MYRIP: variants seen among roughly 807,000 people sequenced by gnomAD.
MYRIP encodes myosin VIIA and Rab interacting protein.
In MYRIP, 49 loss-of-function variants were observed where a neutral mutation model predicts 98.0. The ratio of observed to expected loss-of-function variants is 0.50; its 90% confidence interval spans 0.40 to 0.63. The LOEUF (loss-of-function observed/expected upper bound fraction) is 0.63, where lower values mean the gene tolerates loss of function less well. Among genes scored for constraint, MYRIP ranks in the 30% least tolerant of loss-of-function variants. The probability of loss-of-function intolerance (pLI) is 0.00; values close to 1 mark genes in which losing one functional copy is unlikely to be tolerated. For synonymous variants in MYRIP, 404 were observed against 409.5 expected (o/e 0.99, Z 0.16); for missense variants, 1,004 against 1,058.2 (o/e 0.95, Z 0.71).
intron 1 of MYRIP, among the ~76,000 whole-genome samples, chr3:39,889,147 A>C (rs1943406032): frequency 6.6e-6 from 1 of 152,206 alleles, no homozygotes; most frequent in Non-Finnish European, 1.5e-5. Flanking sequence ...TAGAACTAGA[A>C]ATGCCATTTG....
intron 2 of MYRIP, among the ~76,000 whole-genome samples, chr3:39,957,464 G>A (rs546356266): frequency 3.9e-5 from 6 of 152,104 alleles, no homozygotes; most frequent in South Asian, 2.1e-4. Flanking sequence ...AAAGGCCTTC[G>A]AAAAAATTCA....
At chr3:40,186,631 G>C (rs1559440785) in intron 9 of MYRIP, among the ~76,000 whole-genome samples, 2 of 152,136 alleles carry the variant, frequency 1.3e-5, no homozygotes. Context: ...TCTGCCCCTG[G>C]GGCAGGCAAC....
rs376819098 is a variant in MYRIP at position 40,052,424 on chromosome 3, A to T, written c.332+8153A>T. 3.2e-4 allele frequency among the ~76,000 whole-genome samples: 49 copies of T among 152,304 alleles called. No homozygotes were observed. In the South Asian group the frequency reaches 9.5e-3, roughly 30 times the overall value. On this transcript the variant is annotated intron_variant, in intron 3 of 16. Coordinates refer to ENST00000302541, the MANE Select transcript of MYRIP (RefSeq NM_015460.4). ...ATGTATTTGTAATATCCTTTGAAAA[A>T]TACATTAAACAATTATCACCGTGGG...
At chr3:40,134,864 A>G (rs1277503729) in intron 3 of MYRIP, among the ~76,000 whole-genome samples, 1 of 152,206 alleles carries the variant, frequency 6.6e-6, no homozygotes, top group Non-Finnish European at 1.5e-5. Flanking sequence ...AAGGACATCC[A>G]CACCAAAAAC....
intron 12 of MYRIP, 86 bp from the exon 13 acceptor site, chr3:40,244,360 C>T: frequency 4.0e-6 from 5 of 1,243,878 alleles, no homozygotes; most frequent in Non-Finnish European, 5.5e-6. Flanking sequence ...TATCTCACTC[C>T]CCTGAATTGC....
chr3:40,215,156 C>A (rs1248142620), intron 11 of MYRIP, among the ~76,000 whole-genome samples: 1 of 151,988 alleles, frequency 6.6e-6, no homozygotes, highest in African/African-American at 2.4e-5. Context: ...ATCTAGTGTC[C>A]TTAAAGCATT....
At chr3:40,055,078 G>A (rs1171173137) in intron 3 of MYRIP, among the ~76,000 whole-genome samples, 1 of 151,978 alleles carries the variant, frequency 6.6e-6, no homozygotes, top group Non-Finnish European at 1.5e-5. Context: ...TTATTTACAT[G>A]GTAGGGAAAA....
chr3:40,030,260 A>G (rs1379080374), intron 2 of MYRIP, among the ~76,000 whole-genome samples: 2 of 152,136 alleles, frequency 1.3e-5, no homozygotes, highest in East Asian at 1.9e-4. Flanking sequence ...CTCATCAGTC[A>G]TTAGGGAAGT....
intron 4 of MYRIP, among the ~76,000 whole-genome samples, chr3:40,159,246 A>G (rs1405499114): frequency 2.0e-5 from 3 of 149,928 alleles, no homozygotes; most frequent in Non-Finnish European, 4.5e-5. Context: ...TTTCTCCTTC[A>G]CTTATGAAGC....
At chr3:40,227,940 C>G (rs1952534577) in intron 11 of MYRIP, among the ~76,000 whole-genome samples, 1 of 152,234 alleles carries the variant, frequency 6.6e-6, no homozygotes, top group Non-Finnish European at 1.5e-5. Flanking sequence ...CAAAGTCACA[C>G]AGACAATGTA....
intron 3 of MYRIP, among the ~76,000 whole-genome samples, chr3:40,127,432 C>T (rs912824439): frequency 1.3e-5 from 2 of 152,248 alleles, no homozygotes; most frequent in Non-Finnish European, 2.9e-5. Context: ...TTTTCATAGG[C>T]TGCAAACTGG....
chr3:40,084,387 C>T (rs1559393685), intron 3 of MYRIP, among the ~76,000 whole-genome samples: 22 of 135,368 alleles, frequency 1.6e-4, no homozygotes, highest in African/African-American at 5.2e-4. Context: ...TATTATATAT[C>T]GATAGATAAT....
chr3:40,149,962 G>C (rs955187101), intron 3 of MYRIP, among the ~76,000 whole-genome samples: 2 of 152,134 alleles, frequency 1.3e-5, no homozygotes, highest in African/African-American at 4.8e-5. Flanking sequence ...GAATTTTCTA[G>C]AATGAGTGTG....
intron 11 of MYRIP, among the ~76,000 whole-genome samples, chr3:40,222,294 G>C (rs1364619891): frequency 1.3e-5 from 2 of 152,176 alleles, no homozygotes; most frequent in Non-Finnish European, 2.9e-5. Flanking sequence ...GTGGCAACTT[G>C]TCAGATTGTT....
At chr3:40,034,551 A>G (rs1376302490) in intron 2 of MYRIP, among the ~76,000 whole-genome samples, 3 of 151,478 alleles carry the variant, frequency 2.0e-5, no homozygotes, top group African/African-American at 4.9e-5. Flanking sequence ...TAGAATGGCA[A>G]TCATTAAAAA....
chr3:39,841,016 A>G lies in MYRIP; in HGVS notation c.-31+31100A>G, dbSNP rs897756773. Among the ~76,000 whole-genome samples, 25 of 152,248 alleles carry G rather than the reference A, an allele frequency of 1.6e-4. 1 individual carries two copies. In the Middle Eastern group the frequency reaches 0.017, roughly 104 times the overall value. On this transcript the variant is annotated intron_variant, in intron 1 of 16. Coordinates refer to ENST00000302541, the MANE Select transcript of MYRIP (RefSeq NM_015460.4). ...AATTTGAATGTTGGCCTGTCTTGCT[A>G]GTTGGGGAAGTTCTCCTGGATAATA...
At chr3:40,031,942 C>G (rs942845649) in intron 2 of MYRIP, among the ~76,000 whole-genome samples, 1 of 152,028 alleles carries the variant, frequency 6.6e-6, no homozygotes, top group African/African-American at 2.4e-5. Flanking sequence ...AAAACCAGCT[C>G]CTGGATTCAT....
At chr3:40,151,634 T>A (rs1332184560) in intron 4 of MYRIP, among the ~76,000 whole-genome samples, 1 of 152,204 alleles carries the variant, frequency 6.6e-6, no homozygotes, top group Non-Finnish European at 1.5e-5. Context: ...GTGGGAGAGT[T>A]AGAAAAGTGT....
At chr3:40,221,283 C>A (rs541711820) in intron 11 of MYRIP, among the ~76,000 whole-genome samples, 1 of 152,094 alleles carries the variant, frequency 6.6e-6, no homozygotes, top group Admixed American at 6.5e-5. Context: ...ATCATTTGCT[C>A]AATCAGTAAA....
Sources: gnomAD v4.1 joint callset for allele counts (sites outside exome capture counted in the v4.1 genomes callset) on GRCh38, gnomAD v4.1.1 for gene constraint, MANE v1.5 for transcripts, NCBI Gene and HGNC (gene_info 2026-07-23, HGNC 2026-07-21) for gene names.